ITGB8: variants seen among roughly 807,000 people sequenced by gnomAD.
The protein encoded by ITGB8 is integrin beta-8.
In ITGB8, 30 loss-of-function variants were observed where a neutral mutation model predicts 89.5. The observed-to-expected ratio is 0.34, with a 90% CI of 0.25 to 0.45. ITGB8 has a LOEUF of 0.45. ITGB8 is among the 20% of genes least tolerant of loss of function. The pLI is 1.00. For missense variants in ITGB8, 836 were observed against 933.3 expected, an observed-to-expected ratio of 0.90 and a Z score of 1.36; for synonymous variants, 335 against 320.4, an observed-to-expected ratio of 1.05 and a Z score of -0.49.
At chr7:20,397,372 G>C (rs954408357) in intron 8 of ITGB8, among the ~76,000 whole-genome samples, 1 of 152,066 alleles carries the variant, frequency 6.6e-6, no homozygotes, top group Non-Finnish European at 1.5e-5. Flanking sequence ...GATTACAGGC[G>C]TATCACGCAC....
intron 1 of ITGB8, chr7:20,346,812 A>G: frequency 1.0e-6 from 1 of 985,452 alleles, no homozygotes; most frequent in Middle Eastern, 5.2e-4. Context: ...TACATTGACC[A>G]TGACATAGGA....
At chr7:20,365,642 G>A (rs3779505) in intron 2 of ITGB8, 17,265 of 152,214 alleles carry the variant, frequency 0.11, 1,217 homozygotes, top group East Asian at 0.41. Flanking sequence ...ACTCATTCAC[G>A]GTTAGGAAAC....
chr7:20,345,877 C>T (rs1369927969), intron 1 of ITGB8, among the ~76,000 whole-genome samples: 1 of 152,114 alleles, frequency 6.6e-6, no homozygotes, highest in Non-Finnish European at 1.5e-5. Flanking sequence ...GGAGCTGATG[C>T]ATCTTGTATT....
intron 1 of ITGB8, among the ~76,000 whole-genome samples, chr7:20,349,931 T>G (rs1422602278): frequency 6.6e-6 from 1 of 152,192 alleles, no homozygotes; most frequent in Non-Finnish European, 1.5e-5. Context: ...TTTTGCCAGA[T>G]GTATAGACCT....
chr7:20,374,865 A>G (rs1258505525), intron 3 of ITGB8, among the ~76,000 whole-genome samples: 2 of 152,188 alleles, frequency 1.3e-5, no homozygotes, highest in Admixed American at 6.5e-5. Flanking sequence ...TTGACAAAAA[A>G]TAAGTAATTT....
Position 20,348,608 on chromosome 7 carries a change from A to G in ITGB8, c.128-15029A>G, listed in dbSNP as rs1024884582. Among the ~76,000 whole-genome samples, 4 of 152,206 alleles carry G rather than the reference A, an allele frequency of 2.6e-5. No individual in the cohort carries two copies. The South Asian group carries it at 8.3e-4, about 32-fold the overall frequency. On this transcript the variant is annotated intron_variant, in intron 1 of 13. Transcript: ENST00000222573. The stretch of plus-strand genomic sequence containing the variant: ...CCAGAGATTCCTAATGGCTCTGTCC[A>G]TGGTGGAGGTAGTGAGGTGTTGGGG...
chr7:20,366,771 GAA>G, intron 2 of ITGB8: 1 of 383,382 alleles, frequency 2.6e-6, no homozygotes. Context: ...CTCCGACACA[GAA>G]AAAAAAAGCC....
chr7:20,409,958 C>A lies in ITGB8; in HGVS notation c.2271C>A (p.Ser757Arg). Residue 757 changes from serine to arginine, a missense_variant, in exon 14 of 14, where the codon AGC (serine) becomes AGA (arginine). By Grantham distance (110) the Ser-to-Arg change is moderately radical. Coordinates refer to ENST00000222573, the MANE Select transcript of ITGB8 (RefSeq NM_002214.3). Reference sequence around the variant, plus strand: ...CTGAAGAAATAAAAATGGATATCAGCAAATTAAATGCTCATGAAACTTTCA... The same window carrying A: ...CTGAAGAAATAAAAATGGATATCAGAAAATTAAATGCTCATGAAACTTTCA... The part of the protein sequence containing the change: ...EKPEEIKMDI[S>R]KLNAHETFRC... The A allele has an allele frequency of 6.2e-7, 1 of 1,613,070 alleles. No individual in the cohort carries two copies. Among genetic ancestry groups the A allele is most frequent in the South Asian group, 1.1e-5 (1 of 90,876 alleles).
At chr7:20,364,982 G>C (rs898475978) in intron 2 of ITGB8, 13 of 152,194 alleles carry the variant, frequency 8.5e-5, no homozygotes, top group African/African-American at 3.1e-4. Context: ...GCTTTAGTGA[G>C]GGTAGTTTGG....
intron 1 of ITGB8, among the ~76,000 whole-genome samples, chr7:20,340,861 A>T (rs1183710022): frequency 6.6e-6 from 1 of 152,236 alleles, no homozygotes; most frequent in Non-Finnish European, 1.5e-5. Flanking sequence ...GAAAATAATT[A>T]AAAGGAAAAT....
chr7:20,362,461 G>A (rs1269402172), intron 1 of ITGB8, among the ~76,000 whole-genome samples: 1 of 152,172 alleles, frequency 6.6e-6, no homozygotes, highest in African/African-American at 2.4e-5. Context: ...GATACTAAAT[G>A]TGACTGCCTC....
chr7:20,405,340 G>C (rs1787492429), intron 11 of ITGB8, among the ~76,000 whole-genome samples: 1 of 147,986 alleles, frequency 6.8e-6, no homozygotes, highest in Non-Finnish European at 1.5e-5. Flanking sequence ...TTTTTTTTGT[G>C]ACAGAGTCTC....
At chr7:20,371,636 A>G (rs1220018990) in intron 3 of ITGB8, among the ~76,000 whole-genome samples, 2 of 152,212 alleles carry the variant, frequency 1.3e-5, no homozygotes, top group African/African-American at 2.4e-5. Context: ...AGTTCTCTAT[A>G]TAGTCTATAA....
chr7:20,388,066 G>A (rs375833602), intron 6 of ITGB8, among the ~76,000 whole-genome samples: 54 of 152,046 alleles, frequency 3.6e-4, no homozygotes, highest in African/African-American at 1.1e-3. Flanking sequence ...TTTTATCCAC[G>A]TAGATATACA....
At chr7:20,354,644 A>G (rs1785228446) in intron 1 of ITGB8, among the ~76,000 whole-genome samples, 2 of 152,164 alleles carry the variant, frequency 1.3e-5, no homozygotes, top group South Asian at 4.1e-4. Context: ...AAGTTCCCTC[A>G]AGTCTGAATA....
chr7:20,349,796 T>C (rs1305127801), intron 1 of ITGB8, among the ~76,000 whole-genome samples: 1 of 152,240 alleles, frequency 6.6e-6, no homozygotes, highest in Non-Finnish European at 1.5e-5. Context: ...TCCTTCATTG[T>C]GCACTGGTTG....
At chr7:20,347,702 T>A (rs1583474071) in intron 1 of ITGB8, among the ~76,000 whole-genome samples, 1 of 152,168 alleles carries the variant, frequency 6.6e-6, no homozygotes, top group South Asian at 2.1e-4. Context: ...TCTGAGTGGG[T>A]TGCCAAGCAG....
At chr7:20,365,447 G>A (rs1785657070) in intron 2 of ITGB8, 1 of 152,168 alleles carries the variant, frequency 6.6e-6, no homozygotes, top group African/African-American at 2.4e-5. Context: ...TTATAAACTT[G>A]CACATATTAC....
upstream of ITGB8, among the ~76,000 whole-genome samples, chr7:20,330,104 A>G (rs1037521751): frequency 6.6e-6 from 1 of 152,192 alleles, no homozygotes; most frequent in East Asian, 1.9e-4. Flanking sequence ...AAAAGCCCAG[A>G]GCCACCACCA....
Sources: gnomAD v4.1 joint callset for allele counts (sites outside exome capture counted in the v4.1 genomes callset) on GRCh38, gnomAD v4.1.1 for gene constraint, MANE v1.5 for transcripts, NCBI Gene and HGNC (gene_info 2026-07-23, HGNC 2026-07-21) for gene names.